CLN6: variants seen among roughly 807,000 people sequenced by gnomAD.
The protein encoded by CLN6 is CLN6 transmembrane ER protein.
Under a neutral mutation model 33.3 loss-of-function variants are expected in CLN6, and 22 were observed. The observed-to-expected ratio is 0.66, with a 90% confidence interval of 0.47 to 0.94. CLN6 has a LOEUF of 0.94. CLN6 is among the 40% of genes least tolerant of loss of function. CLN6 has a pLI of 0.00. For missense variants in CLN6, 387 were observed against 417.1 expected (o/e 0.93, Z 0.63); for synonymous variants, 201 against 174.6 (o/e 1.15, Z -1.19).
In CLN6 at chr15:68,227,036, C is replaced by G. The variant is rs371426821; in HGVS notation, c.83+2466G>C. On this transcript the variant is annotated intron_variant, in intron 1 of 6. Coordinates refer to ENST00000249806, the MANE Select transcript of CLN6 (RefSeq NM_017882.3). The surrounding 1 kb of genome is among the most constrained non-coding windows in gnomAD (Gnocchi z 4.1). ...TAATTATAATACTTTCTTTTCTTTT[C>G]TTTTTTTACTTTTTTTTTTTTTTGA... 3.3e-5 allele frequency among the ~76,000 whole-genome samples: 5 copies of G among 150,332 alleles called. No homozygotes were observed. The highest frequency in any genetic ancestry group is 7.4e-5 in the Non-Finnish European group (5 of 67,620).
chr15:68,214,707 G>A (rs574369324), intron 2 of CLN6: 62 of 361,350 alleles, frequency 1.7e-4, no homozygotes, highest in African/African-American at 1.3e-3. Context: ...CAGCTTGGGA[G>A]TTGGTAGGCT....
rs1401046091 is a variant in CLN6, at chr15:68,227,281, C to T, written c.83+2221G>A. On this transcript the variant is annotated intron_variant, in intron 1 of 6. Transcript: ENST00000249806. This position sits in a 1 kb window ranked among gnomAD's most constrained non-coding sequence, Gnocchi z 4.1. ...CTCGAACTCCTGGACTCAAGTGATC[C>T]ACCCACCTTGGCCTCCCAAAGTGCT... is the stretch of plus-strand genomic sequence containing the variant. Among the ~76,000 whole-genome samples, 2 of 152,146 alleles carry T rather than the reference C, an allele frequency of 1.3e-5. No homozygotes were observed. The highest frequency in any genetic ancestry group is 2.9e-5 in the Non-Finnish European group (2 of 68,038).
chr15:68,244,675 CTAAT>C (rs1197127291), intron 1 of CLN6, among the ~76,000 whole-genome samples: 1 of 152,088 alleles, frequency 6.6e-6, no homozygotes, highest in African/African-American at 2.4e-5. Flanking sequence ...CTCCAATACT[CTAAT>C]TAAGATGTAA....
At chr15:68,224,723 C>T (rs2093247275) in intron 1 of CLN6, among the ~76,000 whole-genome samples, 1 of 152,096 alleles carries the variant, frequency 6.6e-6, no homozygotes, top group South Asian at 2.1e-4. Context: ...GCATCCTCTC[C>T]CCCAGCTCAT....
intron 1 of CLN6, among the ~76,000 whole-genome samples, chr15:68,235,681 C>T (rs1320381880): frequency 6.7e-6 from 1 of 149,876 alleles, no homozygotes; most frequent in Non-Finnish European, 1.5e-5. Context: ...GTTTTCCTAA[C>T]CAGACACTGA....
Position 68,211,943 on chromosome 15 carries a change from T to A in CLN6, c.298-80A>T. On this transcript the variant is annotated intron_variant, in intron 3 of 6. Coordinates refer to ENST00000249806, the MANE Select transcript of CLN6 (RefSeq NM_017882.3). This position sits in a 1 kb window ranked among gnomAD's most constrained non-coding sequence, Gnocchi z 5.9. ...CACCCTCTGCTTCCCCCCTCACACC[T>A]GGGGTGGGATGGACGCTTCCAGCTG... is the stretch of plus-strand genomic sequence containing the variant. 1 of 1,419,748 alleles carries A rather than the reference T, an allele frequency of 7.0e-7. No individual in the cohort carries two copies. Among genetic ancestry groups the A allele is most frequent in the Non-Finnish European group, 9.8e-7 (1 of 1,022,440 alleles). 87.9% of individuals were successfully genotyped at this position (1,419,748 alleles called of 1,614,324 possible).
At chr15:68,248,300 ACTG>A (rs957265999) in intron 1 of CLN6, 8 of 152,178 alleles carry the variant, frequency 5.3e-5, no homozygotes, top group Non-Finnish European at 1.0e-4. Flanking sequence ...AATGAACTAT[ACTG>A]CTATCTCTCA....
At position 68,219,071 on chromosome 15, in the gene CLN6, C is replaced by T. The variant is rs2093228384; in HGVS notation, c.84-421G>A. Among the ~76,000 whole-genome samples the T allele has an allele frequency of 6.6e-6, 1 of 152,182 alleles. No individual in the cohort carries two copies. Among genetic ancestry groups the T allele is most frequent in the African/African-American group, 2.4e-5 (1 of 41,454 alleles). On this transcript the variant is annotated intron_variant, in intron 1 of 6. Coordinates refer to ENST00000249806, the MANE Select transcript of CLN6 (RefSeq NM_017882.3). This position sits in a 1 kb window ranked among gnomAD's most constrained non-coding sequence, Gnocchi z 4.2. ...TTTACATGTATTATCTCATTTAATC[C>T]TCACAGAAACCTTTCAAGGCTGAAA...
intron 3 of CLN6, chr15:68,212,303 G>C: frequency 5.1e-6 from 1 of 194,290 alleles, no homozygotes; most frequent in East Asian, 1.4e-4. Flanking sequence ...TGTCAGGGAT[G>C]GGGGCAGGTG....
rs1892334716 is a variant in CLN6, at chr15:68,247,044, T to C, written c.179+9646A>G. The stretch of plus-strand genomic sequence containing the variant: ...GGTGGTGCATGCCTGTAATCCCAGA[T>C]ACTCGGGAGGCTGAGGCAGGAGAAT... On this transcript the variant is annotated intron_variant, in intron 1 of 6. Coordinates refer to the CLN6 transcript ENST00000538696. This position sits in a 1 kb window ranked among gnomAD's most constrained non-coding sequence, Gnocchi z 4.2. Among the ~76,000 whole-genome samples the C allele has an allele frequency of 6.6e-6, 1 of 152,032 alleles. No individual in the cohort carries two copies. Among genetic ancestry groups the C allele is most frequent in the Non-Finnish European group, 1.5e-5 (1 of 68,014 alleles).
At chr15:68,221,721 C>T (rs1349035969) in intron 1 of CLN6, among the ~76,000 whole-genome samples, 7 of 151,712 alleles carry the variant, frequency 4.6e-5, no homozygotes, top group African/African-American at 1.5e-4. Flanking sequence ...CCCCTCTGCC[C>T]GGCCACCCCA....
intron 1 of CLN6, among the ~76,000 whole-genome samples, chr15:68,222,726 A>G (rs1393983483): frequency 6.6e-6 from 1 of 152,242 alleles, no homozygotes; most frequent in Non-Finnish European, 1.5e-5. Flanking sequence ...TCAGATTGTT[A>G]CTGTGTCTGT....
At chr15:68,218,460 AG>A in intron 2 of CLN6, 75 bp downstream of exon 2, 1 of 1,046,940 alleles carries the variant, frequency 9.6e-7, no homozygotes, top group Non-Finnish European at 1.5e-6. Flanking sequence ...GACTTGTCTA[AG>A]GTCACTCGGC....
rs148949308 is a variant in CLN6, at chr15:68,209,610, T to C, written c.665+27A>G. On this transcript the variant is annotated intron_variant, in intron 6 of 6. Coordinates refer to ENST00000249806, the MANE Select transcript of CLN6 (RefSeq NM_017882.3). This position sits in a 1 kb window ranked among gnomAD's most constrained non-coding sequence, Gnocchi z 4.9. ...CCGTGGCTCTCTCAGTGCCCCTGCC[T>C]CTGCCCCCATGCTGATGTCCACTCA... is the stretch of plus-strand genomic sequence containing the variant. The C allele has an allele frequency of 3.8e-5, 61 of 1,610,960 alleles. No individual in the cohort carries two copies. In the African/African-American group the frequency reaches 6.9e-4, roughly 18 times the overall value.
chr15:68,231,292 CA>C (rs1174897890), upstream of CLN6, among the ~76,000 whole-genome samples: 4 of 152,078 alleles, frequency 2.6e-5, no homozygotes, highest in Non-Finnish European at 5.9e-5. Flanking sequence ...CTGAAGAACA[CA>C]TTTGCTTTAA....
chr15:68,236,570 A>G lies in CLN6; in HGVS notation c.180-17920T>C, dbSNP rs1169757651. ...GCAAATCTACAGAGACAGAAAGTAG[A>G]CATAATGGGGATAGAAGGAAGTTGA... On this transcript the variant is annotated intron_variant, in intron 1 of 6. Coordinates refer to the CLN6 transcript ENST00000538696. This position sits in a 1 kb window ranked among gnomAD's most constrained non-coding sequence, Gnocchi z 4.5. Among the ~76,000 whole-genome samples the G allele has an allele frequency of 6.6e-6, 1 of 152,234 alleles. No homozygotes were observed. The highest frequency in any genetic ancestry group is 2.4e-5 in the African/African-American group (1 of 41,470).
chr15:68,229,451 G>A, intron 1 of CLN6, 51 bp downstream of exon 1: 2 of 1,355,600 alleles, frequency 1.5e-6, no homozygotes, highest in Non-Finnish European at 2.0e-6. Flanking sequence ...GGGTCCCGAG[G>A]CCCCAGCGCA....
At position 68,242,234 on chromosome 15, in the gene CLN6, T is replaced by G. The variant is rs894196318; in HGVS notation, c.179+14456A>C. On this transcript the variant is annotated intron_variant, in intron 1 of 6. Coordinates refer to the CLN6 transcript ENST00000538696. The surrounding 1 kb of genome is among the most constrained non-coding windows in gnomAD (Gnocchi z 5.0). ...GGAATTTATTAAATTTAACAAAGATTGAAATTTTTAAAAATCAAATCTTGG... is the reference window on the plus strand; with the variant it reads ...GGAATTTATTAAATTTAACAAAGATGGAAATTTTTAAAAATCAAATCTTGG... 5.3e-5 allele frequency among the ~76,000 whole-genome samples: 8 copies of G among 152,308 alleles called. No individual in the cohort carries two copies. Among genetic ancestry groups the G allele is most frequent in the African/African-American group, 1.9e-4 (8 of 41,566 alleles).
At chr15:68,214,031 C>T in intron 3 of CLN6, 1 of 438,932 alleles carries the variant, frequency 2.3e-6, no homozygotes, top group Non-Finnish European at 4.3e-6. Flanking sequence ...GAACACCTCT[C>T]TGCTTCCCCC....
Sources: allele counts gnomAD v4.1 joint callset (sites outside exome capture counted in the v4.1 genomes callset), GRCh38; gene constraint gnomAD v4.1.1; non-coding constraint Gnocchi (gnomAD v3.1); transcripts MANE v1.5; gene names NCBI Gene and HGNC (gene_info 2026-07-23, HGNC 2026-07-21).